The following TRAF7 variants were observed in gnomAD, a reference collection of about 807,000 sequenced individuals.
TRAF7 encodes TNF receptor associated factor 7, also known as E3 ubiquitin-protein ligase TRAF7.
A neutral mutation model predicts 89.3 loss-of-function variants in TRAF7; 45 were observed. The observed-to-expected ratio is 0.50, with a 90% CI of 0.40 to 0.65. TRAF7 has a LOEUF of 0.65. Ranked by LOEUF, TRAF7 falls within the 30% of genes least tolerant of loss-of-function variation. The pLI, the probability that TRAF7 is intolerant of heterozygous loss-of-function variation, is 0.00. For synonymous variants in TRAF7, 406 were observed against 369.2 expected (o/e 1.10, Z -1.14); for missense variants, 677 against 918.1 (o/e 0.74, Z 3.39).
chr16:2,173,222 C>T lies in TRAF7; in HGVS notation c.835C>T (p.Leu279=). 2 of 1,612,438 alleles carry T rather than the reference C, an allele frequency of 1.2e-6. No homozygotes were observed. The highest frequency in any genetic ancestry group is 1.7e-6 in the Non-Finnish European group (2 of 1,179,710). The change falls in exon 10 of 21, where the codon CTG becomes TTG. Residue 279 remains leucine, a synonymous_variant. Transcript: ENST00000326181. The part of the protein sequence containing the change: ...IGNQDTYETH[L]ETCRFEGLKE... ...GAACCAGGACACTTACGAGACCCAC[C>T]TGGAGACTTGCCGCTTCGAGGGCCT...
Position 2,175,281 on chromosome 16 carries a change from G to A in TRAF7, c.1387-20G>A. 2 of 1,612,878 alleles carry A rather than the reference G, an allele frequency of 1.2e-6. No homozygotes were observed. The highest frequency in any genetic ancestry group is 1.7e-5 in the Admixed American group (1 of 60,018). On this transcript the variant is annotated intron_variant, in intron 15 of 20. Transcript: ENST00000326181. ...TGGCAGGGCTTGGTGCCCTGAGGCT[G>A]CCGGTCCTTCCCCAATCAGGTGTGG... is the stretch of plus-strand genomic sequence containing the variant.
chr16:2,166,793 A>AC (rs939522878), intron 3 of TRAF7, among the ~76,000 whole-genome samples: 10 of 152,276 alleles, frequency 6.6e-5, no homozygotes, highest in Middle Eastern at 3.4e-3. Context: ...TCCCCTAAAA[A>AC]CCAGAGTGCT....
At chr16:2,156,705 G>C (rs574598418) in intron 1 of TRAF7, among the ~76,000 whole-genome samples, 1 of 122,328 alleles carries the variant, frequency 8.2e-6, no homozygotes, top group Non-Finnish European at 1.7e-5. Context: ...CGATGAGGCC[G>C]GACCAGGCTC....
intron 6 of TRAF7, 38 bp from the exon 7 acceptor site, chr16:2,171,533 AC>A (rs754407183): frequency 2.7e-5 from 44 of 1,612,652 alleles, no homozygotes; most frequent in Non-Finnish European, 3.6e-5. Context: ...GAAAAAGAGG[AC>A]CCTGCGCCAC....
At chr16:2,165,746 TG>T in intron 2 of TRAF7, 132 bp from the exon 3 acceptor site, 1 of 984,098 alleles carries the variant, frequency 1.0e-6, no homozygotes, top group Non-Finnish European at 1.5e-6. Context: ...TGGCGTGGCC[TG>T]GTCGCATGGT....
chr16:2,170,876 C>T (rs1486608253), intron 5 of TRAF7, 146 bp downstream of exon 5: 6 of 786,684 alleles, frequency 7.6e-6, no homozygotes, highest in East Asian at 5.4e-5. Context: ...CTTGCTGGTC[C>T]GTGGTGGGGA....
At chr16:2,170,133 T>C (rs1039492201) in intron 4 of TRAF7, among the ~76,000 whole-genome samples, 1 of 152,108 alleles carries the variant, frequency 6.6e-6, no homozygotes, top group Non-Finnish European at 1.5e-5. Context: ...CAGCTGGGCC[T>C]GGTGTCCCCC....
chr16:2,163,258 G>A lies in TRAF7; in HGVS notation c.-38-625G>A, dbSNP rs111638155. 0.011 allele frequency among the ~76,000 whole-genome samples: 1,637 copies of A among 152,310 alleles called. 40 individuals carry two copies. Among genetic ancestry groups the A allele is most frequent in the African/African-American group, 0.037 (1,531 of 41,566 alleles). Reference sequence around the variant, plus strand: ...CTGGGAGTGTGGGTGACCTGCACGGGTTCCAGGGGCGGGCTCATCTCTCTC... The same window carrying A: ...CTGGGAGTGTGGGTGACCTGCACGGATTCCAGGGGCGGGCTCATCTCTCTC... On this transcript the variant is annotated intron_variant, in intron 1 of 20. Coordinates refer to ENST00000326181, the MANE Select transcript of TRAF7 (RefSeq NM_032271.3). The surrounding 1 kb of genome is among the most constrained non-coding windows in gnomAD (Gnocchi z 4.3).
rs2093066231 is a variant in TRAF7 at position 2,163,637 on chromosome 16, C to G, written c.-38-246C>G. On this transcript the variant is annotated intron_variant, in intron 1 of 20. Transcript: ENST00000326181. This position sits in a 1 kb window ranked among gnomAD's most constrained non-coding sequence, Gnocchi z 4.3. ...GAGCTGGATGGGCTCTTCGGGAGCT[C>G]AGAAAGGCTAAGCCTTGAGGGACGG... 2.1e-6 allele frequency: 1 copy of G among 481,192 alleles called. No individual in the cohort carries two copies. 29.8% of individuals were successfully genotyped at this position (481,192 alleles called of 1,614,324 possible). A position where few individuals can be genotyped will look rare whatever the true frequency, so the allele number is the denominator to read the frequency against.
intron 5 of TRAF7, 46 bp downstream of exon 5, chr16:2,170,776 C>A: frequency 2.0e-6 from 3 of 1,517,358 alleles, no homozygotes. Context: ...GGGCTGTCAC[C>A]GCAGCCGTGG....
At position 2,159,489 on chromosome 16, in the gene TRAF7, C is replaced by T. The variant is rs2093048932; in HGVS notation, c.-39+3631C>T. Among the ~76,000 whole-genome samples the T allele has an allele frequency of 1.3e-5, 2 of 152,208 alleles. No individual in the cohort carries two copies. Among genetic ancestry groups the T allele is most frequent in the South Asian group, 2.1e-4 (1 of 4,838 alleles). On this transcript the variant is annotated intron_variant, in intron 1 of 20. Transcript: ENST00000326181. The surrounding 1 kb of genome is among the most constrained non-coding windows in gnomAD (Gnocchi z 6.5). ...GGAACAGCGGCGGAAGTGCGTGTGG[C>T]TTTGCTATGGCAACCAGGCCTGTTT...
chr16:2,169,531 C>T (rs986901939), intron 4 of TRAF7, among the ~76,000 whole-genome samples: 4 of 152,102 alleles, frequency 2.6e-5, no homozygotes, highest in Admixed American at 6.5e-5. Flanking sequence ...ACAGGGAGTC[C>T]CCCTCCTGCC....
In TRAF7 at chr16:2,159,591, C is replaced by G. The variant is rs930455366; in HGVS notation, c.-39+3733C>G. 2.6e-5 allele frequency among the ~76,000 whole-genome samples: 4 copies of G among 152,132 alleles called. No homozygotes were observed. The highest frequency in any genetic ancestry group is 9.7e-5 in the African/African-American group (4 of 41,424). On this transcript the variant is annotated intron_variant, in intron 1 of 20. Coordinates refer to ENST00000326181, the MANE Select transcript of TRAF7 (RefSeq NM_032271.3). The surrounding 1 kb of genome is among the most constrained non-coding windows in gnomAD (Gnocchi z 6.5). Reference sequence around the variant, plus strand: ...GGCTGGGGCGGGCAGTCTGTGGGTGCCCTGGGCAGGCTCTGTGATGCCAGG... The same window carrying G: ...GGCTGGGGCGGGCAGTCTGTGGGTGGCCTGGGCAGGCTCTGTGATGCCAGG...
At position 2,168,226 on chromosome 16, in the gene TRAF7, T is replaced by TGG. The variant is rs1567249752; in HGVS notation, c.231+62_231+63dup. 6.9e-7 allele frequency: 1 copy of TGG among 1,457,698 alleles called. No individual in the cohort carries two copies. The highest frequency in any genetic ancestry group is 1.2e-5 in the South Asian group (1 of 82,812). 90.3% of individuals were successfully genotyped at this position (1,457,698 alleles called of 1,614,324 possible). ...CTCAGCCTCCCCCCATCCTCCCTCC[T>TGG]GGGGGAACCAGGTCCCAGGAGGAGT... is the stretch of plus-strand genomic sequence containing the variant. On this transcript the variant is annotated intron_variant, in intron 4 of 20. Coordinates refer to ENST00000326181, the MANE Select transcript of TRAF7 (RefSeq NM_032271.3). This position sits in a 1 kb window ranked among gnomAD's most constrained non-coding sequence, Gnocchi z 4.1.
In TRAF7 at chr16:2,168,296, A is replaced by T. The variant is rs2093094973; in HGVS notation, c.231+128A>T. 1.4e-6 allele frequency: 1 copy of T among 729,900 alleles called. No individual in the cohort carries two copies. The highest frequency in any genetic ancestry group is 1.8e-5 in the African/African-American group (1 of 55,944). 45.2% of individuals were successfully genotyped at this position (729,900 alleles called of 1,614,324 possible). A position where few individuals can be genotyped will look rare whatever the true frequency, so the allele number is the denominator to read the frequency against. ...CACAGGAGAAGAAGAGCACCTGTGG[A>T]TACCCTGAGGCCTCGGCAGACATGG... On this transcript the variant is annotated intron_variant, in intron 4 of 20. Transcript: ENST00000326181. This position sits in a 1 kb window ranked among gnomAD's most constrained non-coding sequence, Gnocchi z 4.1.
At chr16:2,174,135 G>C in intron 13 of TRAF7, 87 bp downstream of exon 13, 1 of 1,602,150 alleles carries the variant, frequency 6.2e-7, no homozygotes, top group Non-Finnish European at 8.5e-7. Context: ...CTATGGGTGG[G>C]ACCTTCTGGG....
At chr16:2,166,944 C>T (rs747177998) in intron 3 of TRAF7, among the ~76,000 whole-genome samples, 1 of 152,160 alleles carries the variant, frequency 6.6e-6, no homozygotes, top group Non-Finnish European at 1.5e-5. Flanking sequence ...GGCACTCTGC[C>T]CTTTGTAGAA....
At chr16:2,173,859 T>TGGGGGCCCCC in intron 12 of TRAF7, 23 bp downstream of exon 12, 1 of 1,246,252 alleles carries the variant, frequency 8.0e-7, no homozygotes, top group Non-Finnish European at 1.1e-6. Flanking sequence ...CCGCCGTGGC[T>TGGGGGCCCCC]CCCGCCCACC....
chr16:2,176,097 G>A lies in TRAF7; in HGVS notation c.1795G>A (p.Val599Met), dbSNP rs2141298515. Residue 599 changes from valine (V) to methionine (M), a missense_variant, in exon 19 of 21, where the codon GTG (valine) becomes ATG (methionine). Physicochemically the swap from Val to Met is conservative, Grantham distance 21. Around this residue, in one of 6 missense-constraint regions of TRAF7, gnomAD observed 160 missense variants for 263.7 expected, o/e 0.61. Transcript: ENST00000326181. ...KEQVRTLTGH[V>M]GTVYALAVIS... ...GCAGGTGCGGACCCTCACGGGCCAC[G>A]TGGGCACCGTGTATGCCCTGGCGGT... The A allele has an allele frequency of 6.2e-7, 1 of 1,611,278 alleles. No homozygotes were observed.
Sources: gnomAD v4.1 joint callset for allele counts (sites outside exome capture counted in the v4.1 genomes callset) on GRCh38, gnomAD v4.1.1 for gene constraint, gnomAD v4.1.1 regional missense constraint, Gnocchi (gnomAD v3.1) non-coding constraint, MANE v1.5 for transcripts, NCBI Gene and HGNC (gene_info 2026-07-23, HGNC 2026-07-21) for gene names.